The following REPS2 variants were observed in gnomAD, a reference collection of about 807,000 sequenced individuals.
The protein encoded by REPS2 is ralBP1-associated Eps domain-containing protein 2.
A neutral mutation model predicts 53.6 loss-of-function variants in REPS2; 23 were observed. The observed-to-expected ratio is 0.43, with a 90% confidence interval of 0.31 to 0.61. The LOEUF is 0.61. Among genes scored for constraint, REPS2 ranks in the 20% least tolerant of loss-of-function variants. The pLI is 0.11. For synonymous variants in REPS2, 238 were observed against 218.6 expected, an observed-to-expected ratio of 1.09 and a Z score of -0.78; for missense variants, 446 against 534.9, an observed-to-expected ratio of 0.83 and a Z score of 1.64.
chrX:16,964,857 G>A (rs1407890848), intron 1 of REPS2, among the ~76,000 whole-genome samples: 6 of 69,686 alleles, frequency 8.6e-5, no homozygotes, highest in Non-Finnish European at 1.6e-4. Context: ...CCCAGTAGGG[G>A]CAGCCGGGCA....
chrX:17,099,935 A>G lies in REPS2; in HGVS notation c.1517-3783A>G. 6 of 1,138,349 alleles carry G rather than the reference A, an allele frequency of 5.3e-6. No individual in the cohort carries two copies. In the Admixed American group the frequency reaches 8.7e-5, roughly 17 times the overall value. 93.8% of individuals were successfully genotyped at this position (1,138,349 alleles called of 1,213,427 possible). A position where few individuals can be genotyped will look rare whatever the true frequency, so the allele number is the denominator to read the frequency against. The stretch of plus-strand genomic sequence containing the variant: ...CTTTCATCAGGAACATGAGCTCTCC[A>G]CTGGAGTCTGTAGCTCCAATAATCT... On this transcript the variant is annotated intron_variant, in intron 13 of 17. Coordinates refer to ENST00000357277, the MANE Select transcript of REPS2 (RefSeq NM_004726.3).
In REPS2 at chrX:17,054,705, A is replaced by G. The variant is rs190920316; in HGVS notation, c.972-103A>G. ...GGCTAGGAGGGTTTGGGTATCTGGTAGGGCCATCACCACAGAGTCTGGGAG... is the reference window on the plus strand; with the variant it reads ...GGCTAGGAGGGTTTGGGTATCTGGTGGGGCCATCACCACAGAGTCTGGGAG... On this transcript the variant is annotated intron_variant, in intron 7 of 17. Transcript: ENST00000357277. The G allele has an allele frequency of 1.2e-3, 1,081 of 869,879 alleles. 3 individuals are homozygous for G. The East Asian group carries it at 0.021, about 17-fold the overall frequency. The allele number at this position is 869,879 out of a possible 1,213,427, so 71.7% of individuals were successfully genotyped here.
At chrX:16,974,079 C>T (rs1213452584) in intron 1 of REPS2, among the ~76,000 whole-genome samples, 2 of 111,437 alleles carry the variant, frequency 1.8e-5, no homozygotes, top group African/African-American at 6.5e-5. Flanking sequence ...GAAAACTGTA[C>T]ATAAGCACAC....
chrX:17,004,018 T>C (rs770579426), intron 1 of REPS2, among the ~76,000 whole-genome samples: 15 of 111,803 alleles, frequency 1.3e-4, no homozygotes, highest in Admixed American at 2.8e-4. Flanking sequence ...ATTTCTTTTT[T>C]TCATCTCTTG....
chrX:17,194,027 G>A, the REPS2 span, among the ~76,000 whole-genome samples: 1 of 111,674 alleles, frequency 9.0e-6, no homozygotes, highest in Non-Finnish European at 1.9e-5. Context: ...CCCCAGCCCC[G>A]ATGCCTGTGA....
chrX:17,096,281 A>T (rs1603003370), intron 13 of REPS2, among the ~76,000 whole-genome samples: 1 of 111,903 alleles, frequency 8.9e-6, no homozygotes, highest in Non-Finnish European at 1.9e-5. Flanking sequence ...GTTGCTAAGC[A>T]CACTAGGAAA....
intron 1 of REPS2, among the ~76,000 whole-genome samples, chrX:16,954,139 G>A (rs1392107826): frequency 1.2e-4 from 13 of 110,517 alleles, no homozygotes; most frequent in African/African-American, 4.3e-4. Flanking sequence ...TTAAAAATTT[G>A]TTGTGGAGAT....
chrX:17,080,780 T>C (rs2062445105), intron 13 of REPS2, among the ~76,000 whole-genome samples: 1 of 112,395 alleles, frequency 8.9e-6, no homozygotes, highest in African/African-American at 3.2e-5. Flanking sequence ...TGGCCATAAA[T>C]ATTCCTTCTC....
chrX:17,012,782 C>A (rs1018132208), intron 2 of REPS2, among the ~76,000 whole-genome samples: 3 of 111,733 alleles, frequency 2.7e-5, no homozygotes, highest in African/African-American at 9.8e-5. Context: ...TTTGGTTCCT[C>A]TTGTTAAGTG....
the REPS2 span, among the ~76,000 whole-genome samples, chrX:17,159,165 G>T: frequency 1.8e-5 from 2 of 111,498 alleles, no homozygotes; most frequent in Non-Finnish European, 3.8e-5. Flanking sequence ...CACTTTGTTT[G>T]CTCTCTGACT....
intron 1 of REPS2, among the ~76,000 whole-genome samples, chrX:16,950,919 G>A (rs1162346281): frequency 8.9e-6 from 1 of 112,201 alleles, no homozygotes; most frequent in Non-Finnish European, 1.9e-5. Flanking sequence ...GGTGGCATGC[G>A]CTTGTAGTCC....
intron 1 of REPS2, among the ~76,000 whole-genome samples, chrX:16,979,986 T>C (rs1413324349): frequency 1.8e-5 from 2 of 112,074 alleles, no homozygotes; most frequent in Middle Eastern, 9.2e-3. Flanking sequence ...GGCCCCATCT[T>C]TGAGTTTGTC....
chrX:17,137,374 A>G (rs1193065574), intron 16 of REPS2: 1 of 111,896 alleles, frequency 8.9e-6, no homozygotes, highest in Non-Finnish European at 1.9e-5. Flanking sequence ...TTTTGTGGCT[A>G]ACGACATTGA....
chrX:16,950,873 G>A (rs763579846), intron 1 of REPS2, among the ~76,000 whole-genome samples: 1 of 112,315 alleles, frequency 8.9e-6, no homozygotes, highest in African/African-American at 3.2e-5. Flanking sequence ...AACATAGTGA[G>A]ACCCTGTCTC....
At chrX:17,011,374 C>T (rs1274198104) in intron 2 of REPS2, among the ~76,000 whole-genome samples, 1 of 110,859 alleles carries the variant, frequency 9.0e-6, no homozygotes, top group Non-Finnish European at 1.9e-5. Context: ...TGAACATTTG[C>T]CCTGGGACCT....
At chrX:17,114,675 A>G (rs1372837819) in intron 14 of REPS2, among the ~76,000 whole-genome samples, 1 of 112,591 alleles carries the variant, frequency 8.9e-6, no homozygotes, top group Non-Finnish European at 1.9e-5. Flanking sequence ...AGAAATAGTG[A>G]TAAGACATAT....
At chrX:16,977,635 G>C (rs2072619956) in intron 1 of REPS2, among the ~76,000 whole-genome samples, 1 of 107,092 alleles carries the variant, frequency 9.3e-6, no homozygotes, top group Non-Finnish European at 1.9e-5. Flanking sequence ...AGGATTGCTT[G>C]AGCTTAGGCG....
chrX:16,986,257 G>C (rs2061089556), intron 1 of REPS2, among the ~76,000 whole-genome samples: 1 of 111,722 alleles, frequency 9.0e-6, no homozygotes, highest in African/African-American at 3.3e-5. Flanking sequence ...ATTGGGACCT[G>C]GGTGGAATGT....
chrX:16,967,080 T>A (rs1187187080), intron 1 of REPS2, among the ~76,000 whole-genome samples: 1 of 112,333 alleles, frequency 8.9e-6, no homozygotes, highest in Non-Finnish European at 1.9e-5. Context: ...CTGCCACCCA[T>A]TTTTTGTGTA....
Sources: gnomAD v4.1 joint callset for allele counts (sites outside exome capture counted in the v4.1 genomes callset) on GRCh38, gnomAD v4.1.1 for gene constraint, MANE v1.5 for transcripts, NCBI Gene and HGNC (gene_info 2026-07-23, HGNC 2026-07-21) for gene names.